Variants in BOLL observed in about 807,000 individuals in gnomAD.
The protein encoded by BOLL is protein boule-like.
BOLL carries 23 observed loss-of-function variants against 44.4 expected under a neutral mutation model. The observed-to-expected ratio is 0.52, with a 90% CI of 0.37 to 0.73. The LOEUF (loss-of-function observed/expected upper bound fraction) is 0.73, where lower values mean the gene tolerates loss of function less well. Among genes scored for constraint, BOLL ranks in the 30% least tolerant of loss-of-function variants. The pLI is 0.00. For missense variants in BOLL, 287 were observed against 338.3 expected (o/e 0.85, Z 1.19); for synonymous variants, 97 against 110.8 (o/e 0.88, Z 0.78).
At chr2:197,754,354 A>C (rs1688404248) in intron 9 of BOLL, among the ~76,000 whole-genome samples, 2 of 152,160 alleles carry the variant, frequency 1.3e-5, no homozygotes, top group African/African-American at 4.8e-5. Context: ...CGTTCCTTAC[A>C]CCTTATACAA....
chr2:197,785,232 A>T lies in BOLL; in HGVS notation c.-192T>A. On this transcript the variant is annotated 5_prime_UTR_variant, in exon 1 of 11. Transcript: ENST00000392296. This position sits in a 1 kb window ranked among gnomAD's most constrained non-coding sequence, Gnocchi z 6.7. Reference sequence around the variant, plus strand: ...TGCGGGAGGGAAAAGAAGGCTAGCCAGCGAGAAATTTTGCCCCACAAATCC... The same window carrying T: ...TGCGGGAGGGAAAAGAAGGCTAGCCTGCGAGAAATTTTGCCCCACAAATCC... The T allele has an allele frequency of 1.0e-6, 1 of 985,918 alleles. No individual in the cohort carries two copies. The highest frequency in any genetic ancestry group is 1.2e-6 in the Non-Finnish European group (1 of 829,928). The allele number at this position is 985,918 out of a possible 1,614,324, so 61.1% of individuals were successfully genotyped here.
At chr2:197,741,573 A>G (rs1574812972) in intron 10 of BOLL, among the ~76,000 whole-genome samples, 1 of 152,318 alleles carries the variant, frequency 6.6e-6, no homozygotes, top group East Asian at 1.9e-4. Context: ...AGGATCCCCT[A>G]TTTAATAAAT....
intron 5 of BOLL, chr2:197,774,085 C>T (rs1166845569): frequency 2.3e-6 from 1 of 429,054 alleles, no homozygotes. Flanking sequence ...CACCATTAGG[C>T]TATTTAACCC....
At chr2:197,753,560 G>A (rs1220500275) in intron 9 of BOLL, among the ~76,000 whole-genome samples, 1 of 152,202 alleles carries the variant, frequency 6.6e-6, no homozygotes, top group Non-Finnish European at 1.5e-5. Context: ...GGTCATTAGA[G>A]AAATGCAAAT....
At chr2:197,746,215 G>A (rs574868218) in intron 9 of BOLL, among the ~76,000 whole-genome samples, 1 of 152,092 alleles carries the variant, frequency 6.6e-6, no homozygotes, top group African/African-American at 2.4e-5. Flanking sequence ...AAATTAGTAT[G>A]GCCATTTTGG....
intron 7 of BOLL, 50 bp from the exon 8 acceptor site, chr2:197,757,450 G>A (rs754851970): frequency 6.6e-7 from 1 of 1,519,326 alleles, no homozygotes; most frequent in Admixed American, 1.9e-5. Flanking sequence ...ATAAACAAGG[G>A]TTAAAACTAG....
chr2:197,760,158 T>A (rs555523783), intron 7 of BOLL, among the ~76,000 whole-genome samples: 131 of 152,160 alleles, frequency 8.6e-4, no homozygotes, highest in Non-Finnish European at 1.6e-3. Context: ...TCTGGGCCTA[T>A]GAAACAGCCC....
chr2:197,775,338 CATT>C (rs1305043577), intron 5 of BOLL, among the ~76,000 whole-genome samples: 2 of 151,800 alleles, frequency 1.3e-5, no homozygotes, highest in African/African-American at 4.8e-5. Flanking sequence ...AAATTTTTCT[CATT>C]AGTAAGTCTA....
intron 2 of BOLL, among the ~76,000 whole-genome samples, chr2:197,780,329 A>G (rs1689709474): frequency 6.6e-6 from 1 of 152,074 alleles, no homozygotes; most frequent in Non-Finnish European, 1.5e-5. Flanking sequence ...TGAAAAAGGT[A>G]TAAGTATACA....
At chr2:197,733,461 CT>C (rs1262270034) in intron 10 of BOLL, among the ~76,000 whole-genome samples, 1 of 151,464 alleles carries the variant, frequency 6.6e-6, no homozygotes, top group Non-Finnish European at 1.5e-5. Context: ...GAAGAAACTA[CT>C]TTAAAGTTCA....
At chr2:197,761,744 T>A (rs544238085) in intron 7 of BOLL, among the ~76,000 whole-genome samples, 86 of 151,830 alleles carry the variant, frequency 5.7e-4, no homozygotes, top group African/African-American at 2.0e-3. Flanking sequence ...AGGCTGAAAG[T>A]GAAGGGATGG....
intron 8 of BOLL, 91 bp from the exon 9 acceptor site, chr2:197,756,647 T>C (rs1477249695): frequency 1.4e-5 from 18 of 1,273,278 alleles, no homozygotes; most frequent in African/African-American, 4.6e-5. Flanking sequence ...GAAGTACTTG[T>C]TTTTTATTTT....
chr2:197,780,511 G>A (rs1689720413), intron 2 of BOLL, among the ~76,000 whole-genome samples: 1 of 151,948 alleles, frequency 6.6e-6, no homozygotes, highest in African/African-American at 2.4e-5. Context: ...TAATATAAAT[G>A]AATTCCCAAA....
At chr2:197,729,762 A>G (rs1687059325) in intron 10 of BOLL, among the ~76,000 whole-genome samples, 2 of 152,050 alleles carry the variant, frequency 1.3e-5, no homozygotes, top group Non-Finnish European at 2.9e-5. Flanking sequence ...CCTCTCTGTT[A>G]GAAGGAAAAC....
chr2:197,746,182 T>C (rs1253352279), intron 9 of BOLL, among the ~76,000 whole-genome samples: 3 of 152,150 alleles, frequency 2.0e-5, no homozygotes, highest in Non-Finnish European at 4.4e-5. Flanking sequence ...AAGGGAATCC[T>C]TGTACACTGC....
chr2:197,729,769 AAACT>A (rs1687060261), intron 10 of BOLL, among the ~76,000 whole-genome samples: 1 of 151,938 alleles, frequency 6.6e-6, no homozygotes, highest in Non-Finnish European at 1.5e-5. Context: ...GTTAGAAGGA[AAACT>A]AACAAACAGA....
intron 3 of BOLL, among the ~76,000 whole-genome samples, chr2:197,778,091 A>G (rs577646694): frequency 1.3e-5 from 2 of 152,046 alleles, no homozygotes; most frequent in South Asian, 2.1e-4. Flanking sequence ...AACATAGCAA[A>G]TTCTGTTAGT....
rs1043733916 is a variant in BOLL at position 197,732,504 on chromosome 2, C to CA, written c.829-3927dup. Among the ~76,000 whole-genome samples the CA allele has an allele frequency of 1.0e-3, 154 of 151,576 alleles. 1 individual carries two copies. Among genetic ancestry groups the CA allele is most frequent in the Non-Finnish European group, 3.8e-4 (26 of 67,832 alleles). ...ATACCAAAGCCAGGAAGAGACACAA[C>CA]AAAAAAAGAGAATTTTAGACCAATA... is the stretch of plus-strand genomic sequence containing the variant. On this transcript the variant is annotated intron_variant, in intron 10 of 10. Transcript: ENST00000392296.
At chr2:197,767,883 T>C (rs1164246975) in intron 6 of BOLL, among the ~76,000 whole-genome samples, 1 of 151,988 alleles carries the variant, frequency 6.6e-6, no homozygotes, top group Admixed American at 6.6e-5. Flanking sequence ...GGTGAATCAC[T>C]GAAATTGCTC....
Sources: allele counts gnomAD v4.1 joint callset (sites outside exome capture counted in the v4.1 genomes callset), GRCh38; gene constraint gnomAD v4.1.1; non-coding constraint Gnocchi (gnomAD v3.1); transcripts MANE v1.5; gene names NCBI Gene and HGNC (gene_info 2026-07-23, HGNC 2026-07-21).